TRPS1: variants seen among roughly 807,000 people sequenced by gnomAD.
TRPS1 encodes the protein zinc finger transcription factor Trps1.
Under a neutral mutation model 101.2 loss-of-function variants are expected in TRPS1, and 6 were observed. That is an observed-to-expected ratio of 0.06 (90% CI 0.03 to 0.12). The LOEUF is 0.12. Among genes scored for constraint, TRPS1 ranks in the 10% least tolerant of loss-of-function variants. The pLI is 1.00. For synonymous variants in TRPS1, 578 were observed against 589.8 expected, an observed-to-expected ratio of 0.98 and a Z score of 0.29; for missense variants, 1,363 against 1,567.0, an observed-to-expected ratio of 0.87 and a Z score of 2.20.
intron 5 of TRPS1, among the ~76,000 whole-genome samples, chr8:115,546,913 G>GA (rs1190997408): frequency 6.6e-6 from 1 of 152,086 alleles, no homozygotes; most frequent in Non-Finnish European, 1.5e-5. Flanking sequence ...ATAATTCAAA[G>GA]AAAAACGTCC....
chr8:115,451,409 A>C (rs1189721653), intron 5 of TRPS1, among the ~76,000 whole-genome samples: 1 of 152,176 alleles, frequency 6.6e-6, no homozygotes, highest in East Asian at 1.9e-4. Flanking sequence ...AGGGGATATA[A>C]AAGGAAGAAA....
At chr8:115,645,784 T>A (rs1453971725) in intron 1 of TRPS1, among the ~76,000 whole-genome samples, 1 of 152,130 alleles carries the variant, frequency 6.6e-6, no homozygotes, top group African/African-American at 2.4e-5. Context: ...GAAAAAACAA[T>A]GCAAAAATAC....
At chr8:115,462,714 T>C (rs1374914504) in intron 5 of TRPS1, among the ~76,000 whole-genome samples, 1 of 150,916 alleles carries the variant, frequency 6.6e-6, no homozygotes, top group East Asian at 2.0e-4. Context: ...ACTTTTGAAG[T>C]CTTCTAATCA....
chr8:115,533,615 T>C (rs13250721), intron 5 of TRPS1, among the ~76,000 whole-genome samples: 2 of 152,026 alleles, frequency 1.3e-5, no homozygotes, highest in Non-Finnish European at 2.9e-5. Context: ...TACATTCTGG[T>C]GCAAACTTAA....
At chr8:115,474,036 A>G (rs976365454) in intron 5 of TRPS1, among the ~76,000 whole-genome samples, 17 of 152,196 alleles carry the variant, frequency 1.1e-4, no homozygotes, top group African/African-American at 4.1e-4. Context: ...TATAAGTGGC[A>G]AATCCAAATA....
chr8:115,650,871 T>A (rs1197640582), intron 1 of TRPS1, among the ~76,000 whole-genome samples: 1 of 152,144 alleles, frequency 6.6e-6, no homozygotes, highest in Non-Finnish European at 1.5e-5. Context: ...TGTGCTCAGC[T>A]CCTAACCCTA....
intron 4 of TRPS1, among the ~76,000 whole-genome samples, chr8:115,589,479 T>TA (rs1429393906): frequency 6.6e-6 from 1 of 152,214 alleles, no homozygotes; most frequent in African/African-American, 2.4e-5. Flanking sequence ...TACAAGAGCT[T>TA]ACATTTTGTT....
At chr8:115,415,171 G>T in intron 6 of TRPS1, 87 bp from the exon 7 acceptor site, 1 of 1,376,956 alleles carries the variant, frequency 7.3e-7, no homozygotes, top group Non-Finnish European at 9.8e-7. Context: ...TATAAACCAT[G>T]CTTAAGTTCA....
chr8:115,435,309 G>A (rs935871481), intron 5 of TRPS1, among the ~76,000 whole-genome samples: 2 of 152,126 alleles, frequency 1.3e-5, no homozygotes, highest in African/African-American at 4.8e-5. Flanking sequence ...GATGAATAAG[G>A]TGGCAGAACA....
At chr8:115,543,698 GA>G (rs894562993) in intron 5 of TRPS1, among the ~76,000 whole-genome samples, 1 of 151,904 alleles carries the variant, frequency 6.6e-6, no homozygotes, top group African/African-American at 2.4e-5. Context: ...AGGAGAAGGT[GA>G]AAAAAATGAA....
intron 5 of TRPS1, among the ~76,000 whole-genome samples, chr8:115,430,846 A>C (rs1238118367): frequency 6.6e-6 from 1 of 152,040 alleles, no homozygotes. Flanking sequence ...AGTGGGATTA[A>C]AACACCAACA....
At chr8:115,614,906 G>T (rs1412546172) in intron 3 of TRPS1, among the ~76,000 whole-genome samples, 3 of 151,974 alleles carry the variant, frequency 2.0e-5, no homozygotes, top group African/African-American at 7.3e-5. Context: ...TCAAACGATT[G>T]TACTGATACA....
At chr8:115,526,933 T>C (rs556528403) in intron 5 of TRPS1, among the ~76,000 whole-genome samples, 15 of 152,292 alleles carry the variant, frequency 9.8e-5, no homozygotes, top group African/African-American at 3.6e-4. Flanking sequence ...AGAGATACAC[T>C]GATGTGAGGC....
chr8:115,539,857 C>A (rs1816409935), intron 5 of TRPS1, among the ~76,000 whole-genome samples: 1 of 152,114 alleles, frequency 6.6e-6, no homozygotes, highest in African/African-American at 2.4e-5. Flanking sequence ...AATGCAGCCT[C>A]CGACTCAGGA....
At chr8:115,634,390 C>T (rs1049598729) in intron 1 of TRPS1, among the ~76,000 whole-genome samples, 2 of 152,100 alleles carry the variant, frequency 1.3e-5, no homozygotes, top group Non-Finnish European at 2.9e-5. Context: ...TAAGCCTACA[C>T]ATGGAAAGAA....
intron 5 of TRPS1, among the ~76,000 whole-genome samples, chr8:115,431,475 C>T (rs1006149520): frequency 5.9e-5 from 9 of 151,968 alleles, no homozygotes; most frequent in Non-Finnish European, 1.2e-4. Context: ...TACATCTCTC[C>T]TCTCTTTCTT....
chr8:115,570,689 T>A (rs61634403), intron 5 of TRPS1, among the ~76,000 whole-genome samples: 15 of 95,782 alleles, frequency 1.6e-4, no homozygotes, highest in East Asian at 5.1e-4. Context: ...ACACACACAC[T>A]CACACACACA....
chr8:115,533,223 T>C (rs1016553426), intron 5 of TRPS1, among the ~76,000 whole-genome samples: 2 of 152,088 alleles, frequency 1.3e-5, no homozygotes, highest in Admixed American at 6.6e-5. Flanking sequence ...GGTTATCCGC[T>C]AGGTTGTTCA....
At chr8:115,568,682 A>G (rs1022203491) in intron 5 of TRPS1, among the ~76,000 whole-genome samples, 9 of 152,162 alleles carry the variant, frequency 5.9e-5, no homozygotes, top group African/African-American at 2.2e-4. Context: ...AACAGGATCA[A>G]AATTTCACAT....
Sources: gnomAD v4.1 joint callset for allele counts (sites outside exome capture counted in the v4.1 genomes callset) on GRCh38, gnomAD v4.1.1 for gene constraint, MANE v1.5 for transcripts, NCBI Gene and HGNC (gene_info 2026-07-23, HGNC 2026-07-21) for gene names.